The following NR5A2 variants were observed in gnomAD, a reference collection of about 807,000 sequenced individuals.
NR5A2 encodes CYP7A promoter-binding factor.
NR5A2 carries 26 observed loss-of-function variants against 62.7 expected under a neutral mutation model. The ratio of observed to expected loss-of-function variants is 0.41; its 90% CI spans 0.30 to 0.58. The LOEUF (loss-of-function observed/expected upper bound fraction) is 0.58. Ranked by LOEUF, NR5A2 falls within the 20% of genes least tolerant of loss-of-function variation. The pLI, the probability that NR5A2 is intolerant of heterozygous loss-of-function variation, is 0.22. For missense variants in NR5A2, 541 were observed against 669.1 expected, an observed-to-expected ratio of 0.81 and a Z score of 2.11; for synonymous variants, 246 against 241.7, an observed-to-expected ratio of 1.02 and a Z score of -0.16.
chr1:200,061,400 T>C (rs1010450452), intron 5 of NR5A2, among the ~76,000 whole-genome samples: 2 of 150,008 alleles, frequency 1.3e-5, no homozygotes, highest in African/African-American at 4.9e-5. Context: ...TGCTTCAGCC[T>C]CCAAAGTAGT....
At chr1:200,093,879 G>A (rs1295621458) in intron 5 of NR5A2, among the ~76,000 whole-genome samples, 3 of 152,116 alleles carry the variant, frequency 2.0e-5, no homozygotes, top group South Asian at 2.1e-4. Context: ...TTTCTTGGCC[G>A]GGCACAGTGG....
chr1:200,123,072 C>T (rs965424163), intron 7 of NR5A2, among the ~76,000 whole-genome samples: 3 of 152,216 alleles, frequency 2.0e-5, no homozygotes, highest in African/African-American at 7.2e-5. Flanking sequence ...AAGGCCAAGT[C>T]CTAAGCTGGT....
intron 7 of NR5A2, among the ~76,000 whole-genome samples, chr1:200,157,913 G>A (rs1571571315): frequency 1.3e-5 from 2 of 152,238 alleles, no homozygotes; most frequent in African/African-American, 2.4e-5. Flanking sequence ...TAAGTAACAA[G>A]TATATCTAGC....
At chr1:200,155,921 G>A (rs933703342) in intron 7 of NR5A2, among the ~76,000 whole-genome samples, 2 of 152,056 alleles carry the variant, frequency 1.3e-5, no homozygotes, top group South Asian at 2.1e-4. Context: ...TGATCCACCC[G>A]CTTAGTCTCC....
chr1:200,057,501 C>A, intron 5 of NR5A2: 1 of 222,478 alleles, frequency 4.5e-6, no homozygotes, highest in Non-Finnish European at 9.2e-6. Context: ...TTTTTTGAGA[C>A]AGGGTCTCAC....
chr1:200,056,027 C>G (rs768767184), intron 5 of NR5A2, among the ~76,000 whole-genome samples: 1 of 152,132 alleles, frequency 6.6e-6, no homozygotes, highest in Non-Finnish European at 1.5e-5. Context: ...AGGTGTTAAG[C>G]ATCTGCTTTT....
intron 1 of NR5A2, chr1:200,029,104 G>A (rs535409647): frequency 6.8e-6 from 3 of 444,400 alleles, no homozygotes; most frequent in African/African-American, 4.1e-5. Flanking sequence ...TTTTCGTCGG[G>A]CAGAACCGCC....
Position 200,147,928 on chromosome 1 carries a change from G to A in NR5A2, c.1379-26035G>A, listed in dbSNP as rs917604006. On this transcript the variant is annotated intron_variant, in intron 7 of 7. Coordinates refer to ENST00000367362, the MANE Select transcript of NR5A2 (RefSeq NM_205860.3). The surrounding 1 kb of genome is among the most constrained non-coding windows in gnomAD (Gnocchi z 4.9). ...GCTGCGGGCTGTGATGTGGTGCAGC[G>A]CTTCGCCGGTGTTGGTGTTGCCCTG... 2 of 371,308 alleles carry A rather than the reference G, an allele frequency of 5.4e-6. No homozygotes were observed. Among genetic ancestry groups the A allele is most frequent in the South Asian group, 3.2e-5 (1 of 31,026 alleles). 23.0% of individuals were successfully genotyped at this position (371,308 alleles called of 1,614,324 possible). A position where few individuals can be genotyped will look rare whatever the true frequency, so the allele number is the denominator to read the frequency against.
chr1:200,129,088 C>T (rs931536030), intron 7 of NR5A2, among the ~76,000 whole-genome samples: 3 of 152,150 alleles, frequency 2.0e-5, no homozygotes, highest in African/African-American at 7.2e-5. Context: ...TGTCAAAGCT[C>T]CCTATAGAGT....
rs115860447 is a variant in NR5A2 at position 200,124,970 on chromosome 1, G to A, written c.1378+4015G>A. Among the ~76,000 whole-genome samples the A allele has an allele frequency of 5.9e-3, 892 of 152,294 alleles. 5 individuals are homozygous for A. Among genetic ancestry groups the A allele is most frequent in the Non-Finnish European group, 9.7e-3 (657 of 68,032 alleles). ...AGCGAAGCCTTTACCGAAGCAACTC[G>A]TGATAGGTAATAGGAGGTGGTTTAG... is the stretch of plus-strand genomic sequence containing the variant. On this transcript the variant is annotated intron_variant, in intron 7 of 7. Transcript: ENST00000367362.
intron 6 of NR5A2, 29 bp from the exon 7 acceptor site, chr1:200,120,779 G>A: frequency 1.3e-6 from 2 of 1,508,920 alleles, no homozygotes; most frequent in Non-Finnish European, 1.8e-6. Context: ...GATTCTGATA[G>A]TCCTTAAAAC....
chr1:200,117,703 G>A (rs765094927), intron 6 of NR5A2, among the ~76,000 whole-genome samples: 2 of 151,644 alleles, frequency 1.3e-5, no homozygotes, highest in Non-Finnish European at 2.9e-5. Context: ...GCCTTAACTA[G>A]TGATTTTTTT....
chr1:200,105,756 A>T (rs1665621385), intron 5 of NR5A2, among the ~76,000 whole-genome samples: 1 of 152,146 alleles, frequency 6.6e-6, no homozygotes, highest in Non-Finnish European at 1.5e-5. Context: ...GTTCAAAACC[A>T]GTCTGGGCAA....
At chr1:200,087,964 C>T (rs1329709619) in intron 5 of NR5A2, among the ~76,000 whole-genome samples, 12 of 152,020 alleles carry the variant, frequency 7.9e-5, no homozygotes, top group Non-Finnish European at 1.6e-4. Flanking sequence ...TTGGCCAGGC[C>T]AGTCTTGAAC....
At chr1:200,043,104 CCTT>C in intron 2 of NR5A2, 1 of 682,204 alleles carries the variant, frequency 1.5e-6, no homozygotes, top group Non-Finnish European at 1.8e-6. Context: ...TTTTCTTTTT[CCTT>C]CTTTTTATTT....
Position 200,039,447 on chromosome 1 carries a change from C to T in NR5A2, c.65-211C>T, listed in dbSNP as rs939768204. ...CCGAACCAGAGGGCCGGGACGCTGT[C>T]TTCCTCGCCTCCTTTTTTAACCCTG... is the stretch of plus-strand genomic sequence containing the variant. On this transcript the variant is annotated intron_variant, in intron 1 of 7. Transcript: ENST00000367362. This position sits in a 1 kb window ranked among gnomAD's most constrained non-coding sequence, Gnocchi z 5.1. Among the ~76,000 whole-genome samples the T allele has an allele frequency of 6.6e-6, 1 of 152,116 alleles. No homozygotes were observed. The highest frequency in any genetic ancestry group is 1.5e-5 in the Non-Finnish European group (1 of 68,006).
At chr1:200,049,138 G>A (rs1662518806) in intron 5 of NR5A2, among the ~76,000 whole-genome samples, 1 of 152,010 alleles carries the variant, frequency 6.6e-6, no homozygotes, top group Non-Finnish European at 1.5e-5. Flanking sequence ...AACATTTCAA[G>A]TCAATGTGAA....
At chr1:200,156,151 T>G (rs1653373454) in intron 7 of NR5A2, among the ~76,000 whole-genome samples, 1 of 152,198 alleles carries the variant, frequency 6.6e-6, no homozygotes, top group African/African-American at 2.4e-5. Context: ...TTTTACATCC[T>G]TAACACTTCA....
At chr1:200,070,614 A>G (rs1027279657) in intron 5 of NR5A2, among the ~76,000 whole-genome samples, 5 of 151,306 alleles carry the variant, frequency 3.3e-5, no homozygotes, top group Non-Finnish European at 5.9e-5. Flanking sequence ...GAGGAGGTCC[A>G]GGCTACGGTA....
Sources: gnomAD v4.1 joint callset for allele counts (sites outside exome capture counted in the v4.1 genomes callset) on GRCh38, gnomAD v4.1.1 for gene constraint, Gnocchi (gnomAD v3.1) non-coding constraint, MANE v1.5 for transcripts, NCBI Gene and HGNC (gene_info 2026-07-23, HGNC 2026-07-21) for gene names.